CCNJL: variants seen among roughly 807,000 people sequenced by gnomAD.
The protein encoded by CCNJL is cyclin J like, also known as cyclin-J-like protein.
In CCNJL, 33 loss-of-function variants were observed where a neutral mutation model predicts 33.4. The observed-to-expected ratio is 0.99, with a 90% confidence interval of 0.75 to 1.32. The LOEUF is 1.32. Ranked by LOEUF, CCNJL falls within the 40% of genes most tolerant of loss-of-function variation. The pLI is 0.00. For synonymous variants in CCNJL, 227 were observed against 220.9 expected (o/e 1.03, Z -0.24); for missense variants, 512 against 499.7 (o/e 1.02, Z -0.23).
At chr5:160,272,309 G>T (rs1019921153) in intron 3 of CCNJL, among the ~76,000 whole-genome samples, 7 of 152,158 alleles carry the variant, frequency 4.6e-5, no homozygotes, top group African/African-American at 1.7e-4. Flanking sequence ...ATGCAAAGGG[G>T]AGTGATGCTG....
intron 3 of CCNJL, among the ~76,000 whole-genome samples, chr5:160,260,221 C>T (rs923346643): frequency 6.6e-6 from 1 of 152,194 alleles, no homozygotes; most frequent in African/African-American, 2.4e-5. Flanking sequence ...AGCATGGCCA[C>T]GCAAACCTGG....
At chr5:160,322,303 T>G (rs1437250300) in intron 1 of CCNJL, among the ~76,000 whole-genome samples, 1 of 152,226 alleles carries the variant, frequency 6.6e-6, no homozygotes, top group Non-Finnish European at 1.5e-5. Context: ...ACCAGCTCAG[T>G]ATTACAGCTA....
chr5:160,298,017 T>C (rs1229222683), intron 2 of CCNJL, among the ~76,000 whole-genome samples: 2 of 152,144 alleles, frequency 1.3e-5, no homozygotes, highest in African/African-American at 4.8e-5. Flanking sequence ...GGAGGCTGCA[T>C]TGCAAGTCCT....
chr5:160,272,927 T>C (rs1265143249), intron 3 of CCNJL, among the ~76,000 whole-genome samples: 1 of 152,170 alleles, frequency 6.6e-6, no homozygotes, highest in Non-Finnish European at 1.5e-5. Flanking sequence ...GATGGCAACC[T>C]GAATGTCCAA....
chr5:160,271,388 C>T (rs1761828502), intron 3 of CCNJL, among the ~76,000 whole-genome samples: 1 of 152,216 alleles, frequency 6.6e-6, no homozygotes, highest in African/African-American at 2.4e-5. Context: ...AAAAGCCATG[C>T]AGAGCCCGGA....
intron 3 of CCNJL, among the ~76,000 whole-genome samples, chr5:160,279,407 TA>T (rs1243702688): frequency 6.6e-6 from 1 of 152,248 alleles, no homozygotes; most frequent in Non-Finnish European, 1.5e-5. Context: ...TATAGAAGTA[TA>T]GAGGCCTGGC....
intron 1 of CCNJL, among the ~76,000 whole-genome samples, chr5:160,338,469 G>T (rs1406921519): frequency 3.3e-5 from 5 of 149,496 alleles, no homozygotes; most frequent in Non-Finnish European, 7.4e-5. Flanking sequence ...TTACACTAAA[G>T]GCTGTGTCCC....
At position 160,258,921 on chromosome 5, in the gene CCNJL, T is replaced by C. The variant is rs568268130; in HGVS notation, c.583+548A>G. 5.3e-5 allele frequency among the ~76,000 whole-genome samples: 8 copies of C among 152,330 alleles called. No homozygotes were observed. The East Asian group carries it at 1.5e-3, about 29-fold the overall frequency. On this transcript the variant is annotated intron_variant, in intron 4 of 5. Coordinates refer to ENST00000257536, the MANE Select transcript of CCNJL (RefSeq NM_001308173.3). ...CATGTTGGCCAGGATGGTCCCGATC[T>C]CCTGACCTCGTGATCTGTCCGCCTT...
At chr5:160,298,779 A>T (rs555062827) in intron 2 of CCNJL, among the ~76,000 whole-genome samples, 1 of 152,324 alleles carries the variant, frequency 6.6e-6, no homozygotes, top group East Asian at 1.9e-4. Context: ...CGAAGTGTAT[A>T]AACCAATCTG....
chr5:160,326,887 C>A, intron 1 of CCNJL: 1 of 681,974 alleles, frequency 1.5e-6, no homozygotes, highest in South Asian at 1.4e-5. Flanking sequence ...AGAAGAGATT[C>A]ATTCTAAAAC....
intron 4 of CCNJL, 45 bp from the exon 5 acceptor site, chr5:160,255,753 T>G: frequency 1.9e-6 from 3 of 1,579,822 alleles, no homozygotes; most frequent in Non-Finnish European, 1.7e-6. Context: ...ATCCTCCCCT[T>G]GGAATCCCAG....
In CCNJL at chr5:160,259,685, T is replaced by G; in HGVS notation, c.367A>C (p.Thr123Pro). The G allele has an allele frequency of 6.2e-6, 10 of 1,614,100 alleles. No individual in the cohort carries two copies. Among genetic ancestry groups the G allele is most frequent in the Non-Finnish European group, 8.5e-6 (10 of 1,179,998 alleles). ...RILSSQNFTL[T>P]KKELLSTELL... ...TCTGTGCTCAGCAGCTCCTTCTTGGTGAGGGTGAAGTTCTGGCTGCTCAGG... is the reference window on the plus strand; with the variant it reads ...TCTGTGCTCAGCAGCTCCTTCTTGGGGAGGGTGAAGTTCTGGCTGCTCAGG... Residue 123 changes from threonine to proline, a missense_variant, in exon 4 of 6, where the codon ACC (threonine) becomes CCC (proline). By Grantham distance (38) the Thr-to-Pro change is conservative. Coordinates refer to ENST00000257536, the MANE Select transcript of CCNJL (RefSeq NM_001308173.3).
chr5:160,273,095 A>G (rs953659467), intron 3 of CCNJL, among the ~76,000 whole-genome samples: 4 of 152,232 alleles, frequency 2.6e-5, no homozygotes, highest in Non-Finnish European at 2.9e-5. Flanking sequence ...CTGTGTAAAT[A>G]TATCTGGTCA....
At chr5:160,270,371 G>A (rs1282624504) in intron 3 of CCNJL, among the ~76,000 whole-genome samples, 1 of 152,134 alleles carries the variant, frequency 6.6e-6, no homozygotes, top group African/African-American at 2.4e-5. Context: ...TTGAACCTGG[G>A]AGGCGGAGGT....
intron 2 of CCNJL, among the ~76,000 whole-genome samples, chr5:160,295,122 T>G (rs527973474): frequency 2.0e-5 from 3 of 152,146 alleles, no homozygotes. Flanking sequence ...AAAAAGGGGG[T>G]TCCCCCCCGT....
chr5:160,256,294 A>G (rs1042224901), intron 4 of CCNJL, among the ~76,000 whole-genome samples: 20 of 152,230 alleles, frequency 1.3e-4, no homozygotes, highest in Admixed American at 1.0e-3. Flanking sequence ...ATAGAACTGC[A>G]AAACATTTGT....
intron 1 of CCNJL, among the ~76,000 whole-genome samples, chr5:160,336,455 C>T (rs1763685072): frequency 1.3e-5 from 2 of 152,170 alleles, no homozygotes; most frequent in Admixed American, 1.3e-4. Flanking sequence ...CTGATGGCCA[C>T]CAGAAGCTGG....
chr5:160,275,671 A>C (rs1296540896), intron 3 of CCNJL, among the ~76,000 whole-genome samples: 1 of 152,174 alleles, frequency 6.6e-6, no homozygotes, highest in East Asian at 1.9e-4. Context: ...GGTTTTTAAA[A>C]GTAAAAACGT....
intron 2 of CCNJL, among the ~76,000 whole-genome samples, chr5:160,298,972 ATATT>A (rs934626300): frequency 6.6e-6 from 1 of 151,966 alleles, no homozygotes; most frequent in Non-Finnish European, 1.5e-5. Context: ...TACGTATTTT[ATATT>A]TATTTATTTA....
Sources: allele counts gnomAD v4.1 joint callset (sites outside exome capture counted in the v4.1 genomes callset), GRCh38; gene constraint gnomAD v4.1.1; transcripts MANE v1.5; gene names NCBI Gene and HGNC (gene_info 2026-07-23, HGNC 2026-07-21).